LRRC4C: variants seen among roughly 807,000 people sequenced by gnomAD.
The protein encoded by LRRC4C is leucine-rich repeat-containing protein 4C.
In LRRC4C, 5 loss-of-function variants were observed where a neutral mutation model predicts 33.6. The ratio of observed to expected loss-of-function variants is 0.15; its 90% CI spans 0.08 to 0.31. The LOEUF (loss-of-function observed/expected upper bound fraction) is 0.31, where lower values mean the gene tolerates loss of function less well. Ranked by LOEUF, LRRC4C falls within the 10% of genes least tolerant of loss-of-function variation. LRRC4C has a pLI of 1.00. For synonymous variants in LRRC4C, 329 were observed against 302.0 expected (o/e 1.09, Z -0.93); for missense variants, 560 against 796.7 (o/e 0.70, Z 3.58).
intron 1 of LRRC4C, among the ~76,000 whole-genome samples, chr11:41,234,989 G>T (rs937451845): frequency 6.6e-6 from 1 of 151,898 alleles, no homozygotes; most frequent in African/African-American, 2.4e-5. Flanking sequence ...CTGTCAGGAG[G>T]ACTATAATAA....
chr11:40,745,393 A>G (rs1205090885), intron 2 of LRRC4C, among the ~76,000 whole-genome samples: 1 of 152,178 alleles, frequency 6.6e-6, no homozygotes, highest in Non-Finnish European at 1.5e-5. Flanking sequence ...TGGAAGGTAC[A>G]TTTTCAAAGT....
At chr11:40,660,091 T>C (rs1943354435) in intron 2 of LRRC4C, among the ~76,000 whole-genome samples, 1 of 152,220 alleles carries the variant, frequency 6.6e-6, no homozygotes, top group Non-Finnish European at 1.5e-5. Flanking sequence ...ATTCTCCTTG[T>C]CCACACACAG....
Position 41,034,606 on chromosome 11 carries a change from C to CATATAT in LRRC4C, c.-495-100884_-495-100883insATATAT, listed in dbSNP as rs758115530. ...TTGTTTTTCTAAAAAAATATGGTGA[C>CATATAT]GTATATATATATATATATATATATA... On this transcript the variant is annotated intron_variant, in intron 1 of 6. Coordinates refer to ENST00000528697, the MANE Select transcript of LRRC4C (RefSeq NM_001258419.2). Among the ~76,000 whole-genome samples, 540 of 108,424 alleles carry CATATAT rather than the reference C, an allele frequency of 5.0e-3. 4 individuals carry two copies. The highest frequency in any genetic ancestry group is 5.6e-3 in the African/African-American group (141 of 25,280). The allele number at this position is 108,424 out of a possible 152,430, so 71.1% of individuals were successfully genotyped here.
At chr11:40,457,240 T>A (rs551649405) in intron 3 of LRRC4C, among the ~76,000 whole-genome samples, 12 of 151,410 alleles carry the variant, frequency 7.9e-5, no homozygotes, top group African/African-American at 2.7e-4. Flanking sequence ...TATAAAAAAA[T>A]TTAAAAATTA....
At chr11:40,335,847 A>G (rs1946573984) in intron 3 of LRRC4C, among the ~76,000 whole-genome samples, 1 of 152,196 alleles carries the variant, frequency 6.6e-6, no homozygotes, top group Admixed American at 6.5e-5. Context: ...CTGGACCCAG[A>G]TAAACTGGAT....
At chr11:41,185,124 G>T (rs1158178652) in intron 1 of LRRC4C, among the ~76,000 whole-genome samples, 1 of 152,080 alleles carries the variant, frequency 6.6e-6, no homozygotes, top group Non-Finnish European at 1.5e-5. Context: ...TGAGATTTCG[G>T]TGGGGACACA....
In LRRC4C at chr11:41,341,518, C is replaced by G. The variant is rs1052563402; in HGVS notation, c.-496+117913G>C. Among the ~76,000 whole-genome samples, 3 of 152,066 alleles carry G rather than the reference C, an allele frequency of 2.0e-5. No homozygotes were observed. In the East Asian group the frequency reaches 5.8e-4, roughly 29 times the overall value. On this transcript the variant is annotated intron_variant, in intron 1 of 6. Transcript: ENST00000528697. ...TAAGAACCATGCCTGCTTTTCCCCC[C>G]ATTAGTTGGAATCAATGGAGTTTTC...
At chr11:40,877,418 G>T (rs1954958253) in intron 2 of LRRC4C, among the ~76,000 whole-genome samples, 2 of 152,032 alleles carry the variant, frequency 1.3e-5, no homozygotes, top group African/African-American at 4.8e-5. Context: ...AACAAGCATT[G>T]TTGCCTCGTT....
At chr11:40,529,349 T>TA (rs907755171) in intron 3 of LRRC4C, among the ~76,000 whole-genome samples, 4 of 151,736 alleles carry the variant, frequency 2.6e-5, no homozygotes, top group East Asian at 1.9e-4. Flanking sequence ...AATCTTTTTT[T>TA]AAAAAAAAGA....
At chr11:40,714,225 G>T (rs1278937299) in intron 2 of LRRC4C, among the ~76,000 whole-genome samples, 2 of 152,104 alleles carry the variant, frequency 1.3e-5, no homozygotes, top group Non-Finnish European at 2.9e-5. Flanking sequence ...AGAGTCCTCA[G>T]CCAGAACCAC....
intron 5 of LRRC4C, among the ~76,000 whole-genome samples, chr11:40,188,126 A>T (rs1861554232): frequency 2.6e-5 from 4 of 152,234 alleles, no homozygotes; most frequent in Admixed American, 2.6e-4. Context: ...AGACAGTTTT[A>T]TCAGTAGCAA....
chr11:40,975,035 T>A (rs1565260792), intron 1 of LRRC4C, among the ~76,000 whole-genome samples: 1 of 152,220 alleles, frequency 6.6e-6, no homozygotes, highest in Non-Finnish European at 1.5e-5. Context: ...AGCCTGCAGA[T>A]GTCCTGTTGT....
At chr11:41,114,238 C>CT (rs985172976) in intron 1 of LRRC4C, among the ~76,000 whole-genome samples, 2 of 151,910 alleles carry the variant, frequency 1.3e-5, no homozygotes, top group Non-Finnish European at 2.9e-5. Context: ...GGCTTTAAAT[C>CT]TTTTTTTAAA....
chr11:40,925,230 G>T (rs1957366714), intron 2 of LRRC4C, among the ~76,000 whole-genome samples: 1 of 151,580 alleles, frequency 6.6e-6, no homozygotes, highest in Non-Finnish European at 1.5e-5. Flanking sequence ...GATTATGTTG[G>T]GCTACCCAAT....
At chr11:40,170,573 A>G (rs563828630) in intron 5 of LRRC4C, among the ~76,000 whole-genome samples, 1 of 152,300 alleles carries the variant, frequency 6.6e-6, no homozygotes, top group Admixed American at 6.5e-5. Flanking sequence ...TGAGATGGAG[A>G]ATGGAAGACA....
chr11:41,111,607 GA>G (rs1941835845), intron 1 of LRRC4C, among the ~76,000 whole-genome samples: 2 of 152,070 alleles, frequency 1.3e-5, no homozygotes, highest in South Asian at 4.1e-4. Flanking sequence ...GCAAAGACAT[GA>G]AAGTCCAGGG....
chr11:41,458,781 C>CA (rs1956247028), intron 1 of LRRC4C, among the ~76,000 whole-genome samples: 1 of 151,818 alleles, frequency 6.6e-6, no homozygotes, highest in Non-Finnish European at 1.5e-5. Flanking sequence ...CACTGCATTC[C>CA]AAAAGGTTAA....
chr11:40,696,780 GTATA>G, intron 2 of LRRC4C, among the ~76,000 whole-genome samples: 1 of 114,256 alleles, frequency 8.8e-6, no homozygotes, highest in Non-Finnish European at 1.9e-5. Flanking sequence ...ATATATCTGA[GTATA>G]TATATATACT....
At chr11:40,258,168 T>C (rs910985712) in intron 4 of LRRC4C, among the ~76,000 whole-genome samples, 4 of 152,160 alleles carry the variant, frequency 2.6e-5, no homozygotes, top group African/African-American at 4.8e-5. Context: ...ACAACTGCAG[T>C]AGGGAAAGCT....
Sources: allele counts gnomAD v4.1 joint callset (sites outside exome capture counted in the v4.1 genomes callset), GRCh38; gene constraint gnomAD v4.1.1; transcripts MANE v1.5; gene names NCBI Gene and HGNC (gene_info 2026-07-23, HGNC 2026-07-21).